The following DSCAM variants were observed in gnomAD, a reference collection of about 807,000 sequenced individuals.
DSCAM encodes the protein cell adhesion molecule DSCAM.
In DSCAM, 47 loss-of-function variants were observed where a neutral mutation model predicts 217.7. That is an observed-to-expected ratio of 0.22 (90% confidence interval 0.17 to 0.28). DSCAM has a LOEUF of 0.28. Ranked by LOEUF, DSCAM falls within the 10% of genes least tolerant of loss-of-function variation. The pLI is 1.00. For synonymous variants in DSCAM, 1,056 were observed against 1,015.3 expected, an observed-to-expected ratio of 1.04 and a Z score of -0.76; for missense variants, 2,080 against 2,618.3, an observed-to-expected ratio of 0.79 and a Z score of 4.49.
intron 3 of DSCAM, among the ~76,000 whole-genome samples, chr21:40,539,951 T>C (rs566742403): frequency 6.6e-6 from 1 of 152,268 alleles, no homozygotes; most frequent in East Asian, 1.9e-4. Context: ...TATGGAAAAA[T>C]ATGGCCAAAA....
intron 16 of DSCAM, among the ~76,000 whole-genome samples, chr21:40,163,586 A>G (rs1471848120): frequency 1.3e-5 from 2 of 151,966 alleles, no homozygotes; most frequent in Non-Finnish European, 2.9e-5. Flanking sequence ...AGACATCATA[A>G]TATAGCCTAT....
chr21:40,030,534 G>GAGAT (rs994933979), intron 32 of DSCAM, among the ~76,000 whole-genome samples: 5 of 152,142 alleles, frequency 3.3e-5, no homozygotes, highest in South Asian at 2.1e-4. Flanking sequence ...TAAAGGCCAG[G>GAGAT]AGATAGGAAT....
chr21:40,634,511 A>T lies in DSCAM; in HGVS notation c.508+58299T>A, dbSNP rs967063096. On this transcript the variant is annotated intron_variant, in intron 3 of 32. Coordinates refer to ENST00000400454, the MANE Select transcript of DSCAM (RefSeq NM_001389.5). Reference sequence around the variant, plus strand: ...TTATCCTTTTCCCTCATCTCTTCACATTTCTATGGGGACCCACAGCTCAGA... The same window carrying T: ...TTATCCTTTTCCCTCATCTCTTCACTTTTCTATGGGGACCCACAGCTCAGA... 6.6e-5 allele frequency among the ~76,000 whole-genome samples: 10 copies of T among 152,192 alleles called. No homozygotes were observed. In the East Asian group the frequency reaches 9.7e-4, roughly 15 times the overall value.
At chr21:40,033,797 G>A (rs1225965728) in intron 32 of DSCAM, among the ~76,000 whole-genome samples, 1 of 150,772 alleles carries the variant, frequency 6.6e-6, no homozygotes, top group African/African-American at 2.5e-5. Context: ...GCTTTGAAGA[G>A]AGCAGTGGTC....
At chr21:40,238,407 CT>C (rs1161914954) in intron 11 of DSCAM, among the ~76,000 whole-genome samples, 4 of 152,196 alleles carry the variant, frequency 2.6e-5, no homozygotes, top group African/African-American at 9.7e-5. Context: ...GCCAAAGGCT[CT>C]GTGTTTTAAA....
rs1242885429 is a variant in DSCAM at position 40,342,624 on chromosome 21, GTGTA to G, written c.1211-3213_1211-3210del. Among the ~76,000 whole-genome samples, 232 of 77,238 alleles carry G rather than the reference GTGTA, an allele frequency of 3.0e-3. 1 individual carries two copies. Among genetic ancestry groups the G allele is most frequent in the African/African-American group, 7.5e-3 (129 of 17,186 alleles). 50.7% of individuals were successfully genotyped at this position (77,238 alleles called of 152,430 possible). A position where few individuals can be genotyped will look rare whatever the true frequency, so the allele number is the denominator to read the frequency against. ...AGTATGTGTATATGTGTGTGTGTGT[GTGTA>G]TATATATATATATATATATATTTTT... On this transcript the variant is annotated intron_variant, in intron 6 of 32. Coordinates refer to ENST00000400454, the MANE Select transcript of DSCAM (RefSeq NM_001389.5).
chr21:40,829,476 T>TG (rs2091995780), intron 1 of DSCAM, among the ~76,000 whole-genome samples: 1 of 152,192 alleles, frequency 6.6e-6, no homozygotes, highest in Non-Finnish European at 1.5e-5. Context: ...CTTGGTCAAG[T>TG]GCAGCTGCTC....
At chr21:40,110,135 A>AC (rs2089877047) in intron 20 of DSCAM, among the ~76,000 whole-genome samples, 1 of 152,028 alleles carries the variant, frequency 6.6e-6, no homozygotes, top group African/African-American at 2.4e-5. Flanking sequence ...TGGGTCCCTG[A>AC]CCCCCGAGTA....
At chr21:40,175,522 G>C (rs2090714853) in intron 15 of DSCAM, among the ~76,000 whole-genome samples, 1 of 152,014 alleles carries the variant, frequency 6.6e-6, no homozygotes, top group African/African-American at 2.4e-5. Flanking sequence ...CATAGATAGT[G>C]CCTTCTTCCC....
chr21:40,296,077 G>A lies in DSCAM; in HGVS notation c.2160C>T (p.Thr720=), dbSNP rs1177445279. Residue 720 remains threonine, a synonymous_variant, in exon 10 of 33, where the codon ACC becomes ACT. Transcript: ENST00000400454. ...TACCTTTAGAGAATTTCCACACGATGGTAGGTACAGGGTAACCCTCAGCAG... is the reference window on the plus strand; with the variant it reads ...TACCTTTAGAGAATTTCCACACGATAGTAGGTACAGGGTAACCCTCAGCAG... ...NCSAEGYPVP[T]IVWKFSKGAG... is the part of the protein sequence containing the mutation. 2.5e-6 allele frequency: 4 copies of A among 1,613,850 alleles called. No homozygotes were observed. Among genetic ancestry groups the A allele is most frequent in the East Asian group, 2.2e-5 (1 of 44,856 alleles).
At chr21:40,754,149 G>C (rs368958035) in intron 1 of DSCAM, among the ~76,000 whole-genome samples, 4 of 152,100 alleles carry the variant, frequency 2.6e-5, no homozygotes, top group Non-Finnish European at 4.4e-5. Flanking sequence ...CAGACCCTCC[G>C]ACACATCCTC....
In DSCAM at chr21:40,071,440, T is replaced by C. The variant is rs562747028; in HGVS notation, c.4888+3597A>G. Among the ~76,000 whole-genome samples, 67 of 152,282 alleles carry C rather than the reference T, an allele frequency of 4.4e-4. 1 individual carries two copies. The Middle Eastern group carries it at 0.014, about 31-fold the overall frequency. On this transcript the variant is annotated intron_variant, in intron 27 of 32. Coordinates refer to ENST00000400454, the MANE Select transcript of DSCAM (RefSeq NM_001389.5). ...TAAAATTTTACATAAAATAACATTA[T>C]ATTATATTCATCTAACTAGGTTACT... is the stretch of plus-strand genomic sequence containing the variant.
chr21:40,298,840 A>G (rs1440871125), intron 9 of DSCAM, among the ~76,000 whole-genome samples: 1 of 152,158 alleles, frequency 6.6e-6, no homozygotes, highest in African/African-American at 2.4e-5. Context: ...TAATTGATCC[A>G]TTACTCCTCC....
intron 3 of DSCAM, among the ~76,000 whole-genome samples, chr21:40,506,200 T>C (rs527698627): frequency 6.6e-6 from 1 of 152,370 alleles, no homozygotes; most frequent in East Asian, 1.9e-4. Context: ...TAGGCTTAGC[T>C]ATCAACTGAT....
intron 20 of DSCAM, among the ~76,000 whole-genome samples, chr21:40,098,576 T>C (rs1245050794): frequency 6.6e-6 from 1 of 152,230 alleles, no homozygotes; most frequent in African/African-American, 2.4e-5. Flanking sequence ...AAGGACTTAC[T>C]TTTACTCTTG....
At chr21:40,385,631 T>C (rs1393203156) in intron 3 of DSCAM, among the ~76,000 whole-genome samples, 2 of 152,202 alleles carry the variant, frequency 1.3e-5, no homozygotes, top group Non-Finnish European at 2.9e-5. Context: ...ATGTGACTTC[T>C]TAAGGGCTTG....
At chr21:40,317,693 C>T (rs1345299349) in intron 8 of DSCAM, among the ~76,000 whole-genome samples, 1 of 152,042 alleles carries the variant, frequency 6.6e-6, no homozygotes, top group Non-Finnish European at 1.5e-5. Flanking sequence ...CTAGGCTTGG[C>T]TAATTTTTTT....
chr21:40,708,872 T>C, intron 1 of DSCAM, 101 bp from the exon 2 acceptor site: 1 of 876,470 alleles, frequency 1.1e-6, no homozygotes, highest in Non-Finnish European at 1.6e-6. Flanking sequence ...AAATTAATCA[T>C]GAGGCGCAGG....
In DSCAM at chr21:40,557,672, G is replaced by A. The variant is rs552955096; in HGVS notation, c.508+135138C>T. Among the ~76,000 whole-genome samples, 77 of 152,184 alleles carry A rather than the reference G, an allele frequency of 5.1e-4. No individual in the cohort carries two copies. The South Asian group carries it at 8.3e-3, about 16-fold the overall frequency. ...CACCATGTAATCTCCCTGTACATGC[G>A]CACTTCTCTTCTGCTTTTTGTCATG... On this transcript the variant is annotated intron_variant, in intron 3 of 32. Coordinates refer to ENST00000400454, the MANE Select transcript of DSCAM (RefSeq NM_001389.5).
Sources: allele counts gnomAD v4.1 joint callset (sites outside exome capture counted in the v4.1 genomes callset), GRCh38; gene constraint gnomAD v4.1.1; transcripts MANE v1.5; gene names NCBI Gene and HGNC (gene_info 2026-07-23, HGNC 2026-07-21).